REV1: variants seen among roughly 807,000 people sequenced by gnomAD.
REV1 encodes translesion synthesis protein REV1.
A neutral mutation model predicts 137.4 loss-of-function variants in REV1; 42 were observed. The observed-to-expected ratio is 0.31, with a 90% CI of 0.24 to 0.40. The LOEUF is 0.40. Among genes scored for constraint, REV1 ranks in the 10% least tolerant of loss-of-function variants. The probability of loss-of-function intolerance (pLI) is 1.00; values close to 1 mark genes in which losing one functional copy is unlikely to be tolerated. For synonymous variants in REV1, 524 were observed against 519.2 expected, an observed-to-expected ratio of 1.01 and a Z score of -0.12; for missense variants, 1,282 against 1,490.1, an observed-to-expected ratio of 0.86 and a Z score of 2.30.
chr2:99,415,816 G>A (rs867562805), intron 12 of REV1, among the ~76,000 whole-genome samples: 1 of 152,274 alleles, frequency 6.6e-6, no homozygotes, highest in South Asian at 2.1e-4. Context: ...TGAATGAGGT[G>A]CAGAGGGCCC....
rs567544647 is a variant in REV1, at chr2:99,430,730, T to C, written c.1439-782A>G. Among the ~76,000 whole-genome samples the C allele has an allele frequency of 1.5e-4, 23 of 152,350 alleles. 1 individual carries two copies. The South Asian group carries it at 4.8e-3, about 32-fold the overall frequency. ...AAACCACACACTCTGGAGAGCCTAC[T>C]GGCTGCATGCCACTTTACTTCCTTT... On this transcript the variant is annotated intron_variant, in intron 8 of 22. Coordinates refer to ENST00000258428, the MANE Select transcript of REV1 (RefSeq NM_016316.4).
intron 15 of REV1, among the ~76,000 whole-genome samples, chr2:99,407,241 C>T (rs1394441283): frequency 1.3e-5 from 2 of 151,422 alleles, no homozygotes; most frequent in East Asian, 3.9e-4. Flanking sequence ...AGGCATGCAC[C>T]ACCACACCCG....
At chr2:99,449,303 A>C in intron 4 of REV1, 33 bp downstream of exon 4, 4 of 1,268,972 alleles carry the variant, frequency 3.2e-6, no homozygotes, top group Non-Finnish European at 4.2e-6. Flanking sequence ...AACTTTAAAA[A>C]TTTATTAATT....
intron 14 of REV1, among the ~76,000 whole-genome samples, chr2:99,409,246 T>C (rs1055028111): frequency 8.5e-5 from 13 of 152,342 alleles, no homozygotes; most frequent in East Asian, 7.7e-4. Context: ...TTATGTTCTC[T>C]AATTGTAATT....
intron 2 of REV1, 94 bp from the exon 3 acceptor site, chr2:99,462,716 G>T: frequency 8.0e-7 from 1 of 1,257,412 alleles, no homozygotes; most frequent in Non-Finnish European, 1.1e-6. Context: ...ATAAATAAAT[G>T]GACCTTATTC....
intron 1 of REV1, among the ~76,000 whole-genome samples, chr2:99,470,142 C>A (rs111231158): frequency 6.6e-6 from 1 of 151,800 alleles, no homozygotes; most frequent in Non-Finnish European, 1.5e-5. Flanking sequence ...AAAGATATTT[C>A]ATCTATTTAC....
At chr2:99,407,355 A>G (rs543111254) in intron 15 of REV1, among the ~76,000 whole-genome samples, 27 of 151,714 alleles carry the variant, frequency 1.8e-4, no homozygotes, top group African/African-American at 5.6e-4. Flanking sequence ...GTTTGAAACC[A>G]GCCTGGCCAA....
chr2:99,444,343 G>C (rs1051231266), intron 4 of REV1, among the ~76,000 whole-genome samples: 1 of 152,308 alleles, frequency 6.6e-6, no homozygotes, highest in Admixed American at 6.5e-5. Context: ...GCACATCTCA[G>C]GTAAAACCAA....
intron 1 of REV1, among the ~76,000 whole-genome samples, chr2:99,466,098 C>T (rs557645450): frequency 1.3e-5 from 2 of 151,340 alleles, no homozygotes; most frequent in East Asian, 1.9e-4. Flanking sequence ...CCCGCCACCA[C>T]GCCCGATTAT....
In REV1 at chr2:99,487,664, G is replaced by A. The variant is rs1216188756; in HGVS notation, c.-11+2153C>T. The stretch of plus-strand genomic sequence containing the variant: ...AAAAAAAAACTTTTCATTTTTAAAT[G>A]TTCTGTTTAATATACTCTATGATTA... On this transcript the variant is annotated intron_variant, in intron 1 of 22. Transcript: ENST00000258428. 6.7e-5 allele frequency among the ~76,000 whole-genome samples: 8 copies of A among 118,668 alleles called. 3 individuals are homozygous for A. The South Asian group carries it at 7.1e-4, about 11-fold the overall frequency. 77.9% of individuals were successfully genotyped at this position (118,668 alleles called of 152,430 possible). A position where few individuals can be genotyped will look rare whatever the true frequency, so the allele number is the denominator to read the frequency against.
rs753678631 is a variant in REV1 at position 99,404,607 on chromosome 2, T to C, written c.2882A>G (p.Gln961Arg). 2.5e-6 allele frequency: 4 copies of C among 1,613,952 alleles called. No individual in the cohort carries two copies. The highest frequency in any genetic ancestry group is 2.2e-5 in the East Asian group (1 of 44,888). ...TTTGTCGCCATGTGACTCTGCTTGCTGGACAGCACAGACTTGCTCTACTTG... is the reference window on the plus strand; with the variant it reads ...TTTGTCGCCATGTGACTCTGCTTGCCGGACAGCACAGACTTGCTCTACTTG... ...REQVEQVCAV[Q>R]QAESHGDKKK... is the part of the protein sequence containing the mutation. Residue 961 changes from glutamine (Q) to arginine (R), a missense_variant, in exon 18 of 23, where the codon CAG becomes CGG. Transcript: ENST00000258428.
chr2:99,438,380 A>G (rs1275706917), intron 6 of REV1, among the ~76,000 whole-genome samples: 1 of 152,214 alleles, frequency 6.6e-6, no homozygotes, highest in African/African-American at 2.4e-5. Context: ...TACTGTTTAA[A>G]TTCTCTGAAA....
chr2:99,481,093 C>G (rs992391917), intron 1 of REV1, among the ~76,000 whole-genome samples: 4 of 152,146 alleles, frequency 2.6e-5, no homozygotes, highest in Non-Finnish European at 5.9e-5. Context: ...TGCTAAAATT[C>G]AAAACAGCAA....
chr2:99,419,315 C>G (rs1318518230), intron 11 of REV1, among the ~76,000 whole-genome samples: 3 of 151,264 alleles, frequency 2.0e-5, no homozygotes, highest in Non-Finnish European at 4.4e-5. Context: ...TGGGCTCCAG[C>G]CATTCTCCTG....
rs1042664313 is a variant in REV1 at position 99,435,902 on chromosome 2, C to A, written c.1253G>T (p.Cys418Phe). 3.7e-6 allele frequency: 6 copies of A among 1,607,960 alleles called. No homozygotes were observed. The highest frequency in any genetic ancestry group is 5.1e-6 in the Non-Finnish European group (6 of 1,175,210). ...SVLNSPRHQS[C>F]IMHVDMDCFF... ...GCAATCCATATCAACATGCATTATA[C>A]AGCTCTGATGTCTGGGAGAATTCAA... Residue 418 changes from cysteine to phenylalanine, a missense_variant, in exon 7 of 23, where the codon TGT becomes TTT. Physicochemically the swap from Cys to Phe is radical, Grantham distance 205. This residue lies in a region of REV1 where 432 missense variants were observed against 438.0 expected (regional missense o/e 0.99). Transcript: ENST00000258428.
intron 15 of REV1, 120 bp from the exon 16 acceptor site, chr2:99,406,610 G>A: frequency 2.5e-6 from 2 of 787,808 alleles, no homozygotes; most frequent in South Asian, 3.7e-5. Context: ...CTAGAATAAA[G>A]GTAAATGAAA....
chr2:99,436,986 T>G lies in REV1; in HGVS notation c.1214-1045A>C, dbSNP rs994185576. Among the ~76,000 whole-genome samples the G allele has an allele frequency of 4.8e-5, 7 of 146,816 alleles. No individual in the cohort carries two copies. In the East Asian group the frequency reaches 6.1e-4, roughly 13 times the overall value. On this transcript the variant is annotated intron_variant, in intron 6 of 22. Coordinates refer to ENST00000258428, the MANE Select transcript of REV1 (RefSeq NM_016316.4). ...GTACCTAATTCTCCCCCAACTTTTT[T>G]TTTGTTTTTTTTTTTTTTTTGAGAT...
At chr2:99,418,184 TA>T (rs11339848) in intron 12 of REV1, among the ~76,000 whole-genome samples, 39,381 of 152,082 alleles carry the variant, frequency 0.26, 5,248 homozygotes, top group Admixed American at 0.34. Flanking sequence ...ACTTTCACTA[TA>T]AATGAAGATG....
chr2:99,432,105 T>A (rs1053899337), intron 8 of REV1, among the ~76,000 whole-genome samples: 7 of 152,134 alleles, frequency 4.6e-5, no homozygotes, highest in African/African-American at 1.7e-4. Flanking sequence ...GAGCATAAAT[T>A]GTTCCAAACA....
Sources: allele counts gnomAD v4.1 joint callset (sites outside exome capture counted in the v4.1 genomes callset), GRCh38; gene constraint gnomAD v4.1.1; regional missense constraint gnomAD v4.1.1; transcripts MANE v1.5; gene names NCBI Gene and HGNC (gene_info 2026-07-23, HGNC 2026-07-21).